Variants in HOMER2 observed in about 807,000 individuals in gnomAD.
HOMER2 encodes the protein homer scaffold protein 2, also known as homer protein homolog 2.
In HOMER2, 27 loss-of-function variants were observed where a neutral mutation model predicts 47.0. The ratio of observed to expected loss-of-function variants is 0.57; its 90% CI spans 0.42 to 0.79. HOMER2 has a LOEUF of 0.79. Ranked by LOEUF, HOMER2 falls within the 30% of genes least tolerant of loss-of-function variation. The probability of loss-of-function intolerance (pLI) is 0.00; values close to 1 mark genes in which losing one functional copy is unlikely to be tolerated. For missense variants in HOMER2, 443 were observed against 435.0 expected, an observed-to-expected ratio of 1.02 and a Z score of -0.16; for synonymous variants, 161 against 163.8, an observed-to-expected ratio of 0.98 and a Z score of 0.13.
intron 2 of HOMER2, among the ~76,000 whole-genome samples, chr15:82,890,665 A>G (rs532783160): frequency 3.9e-5 from 6 of 152,356 alleles, no homozygotes; most frequent in Middle Eastern, 3.4e-3. Flanking sequence ...ACGAATTACT[A>G]AAAGCTCAGC....
At chr15:82,859,908 C>T (rs534855560) in intron 4 of HOMER2, among the ~76,000 whole-genome samples, 54 of 151,602 alleles carry the variant, frequency 3.6e-4, no homozygotes, top group South Asian at 6.3e-4. Context: ...GACAAAAACC[C>T]GGGGGGTGGG....
At chr15:82,919,057 A>C (rs1274817279) in intron 1 of HOMER2, among the ~76,000 whole-genome samples, 1 of 152,206 alleles carries the variant, frequency 6.6e-6, no homozygotes, top group Non-Finnish European at 1.5e-5. Context: ...GGTGCAGAGC[A>C]GGGCCTGGGC....
intron 2 of HOMER2, among the ~76,000 whole-genome samples, chr15:82,890,321 G>A (rs1011031702): frequency 2.6e-5 from 4 of 152,172 alleles, no homozygotes; most frequent in South Asian, 2.1e-4. Context: ...CAGCCTAGGC[G>A]ACAAAGTGAG....
chr15:82,861,565 T>C (rs1246881575), intron 4 of HOMER2, among the ~76,000 whole-genome samples: 1 of 152,216 alleles, frequency 6.6e-6, no homozygotes, highest in Admixed American at 6.5e-5. Context: ...TAAACATGTA[T>C]TGCATTTATA....
At chr15:82,851,995 G>A (rs770454566) in intron 7 of HOMER2, 147 bp downstream of exon 7, 12 of 617,748 alleles carry the variant, frequency 1.9e-5, no homozygotes, top group Non-Finnish European at 2.9e-5. Context: ...CAGCCTGTCT[G>A]CACCTTGCTG....
At chr15:82,955,327 A>G (rs796336224), upstream of HOMER2, among the ~76,000 whole-genome samples, 3 of 151,808 alleles carry the variant, frequency 2.0e-5, no homozygotes, top group African/African-American at 7.2e-5. Context: ...ATGCCACCAC[A>G]CCTGGCTACT....
intron 2 of HOMER2, among the ~76,000 whole-genome samples, chr15:82,891,515 CCTTCCCTGGGAGAG>C (rs1189329756): frequency 6.6e-6 from 1 of 152,156 alleles, no homozygotes; most frequent in Non-Finnish European, 1.5e-5. Flanking sequence ...GGCTCTCGTG[CCTTCCCTGGGAGAG>C]CTTCCCTGGA....
At chr15:82,868,632 TC>T (rs1444137958) in intron 3 of HOMER2, among the ~76,000 whole-genome samples, 12 of 146,518 alleles carry the variant, frequency 8.2e-5, no homozygotes, top group African/African-American at 3.0e-4. Context: ...CACTGCAACG[TC>T]CACCTCCCAG....
intron 1 of HOMER2, among the ~76,000 whole-genome samples, chr15:82,901,715 CTT>C (rs993750480): frequency 6.6e-6 from 1 of 152,242 alleles, no homozygotes; most frequent in African/African-American, 2.4e-5. Context: ...GGACATCAGT[CTT>C]TAACTCGGGG....
At chr15:82,934,925 C>A (rs1008456743) in intron 1 of HOMER2, among the ~76,000 whole-genome samples, 1 of 152,222 alleles carries the variant, frequency 6.6e-6, no homozygotes, top group Non-Finnish European at 1.5e-5. Context: ...CTGCTGACGA[C>A]CCTGCCTCAT....
At chr15:82,893,521 C>T (rs1385036249) in intron 1 of HOMER2, among the ~76,000 whole-genome samples, 1 of 151,464 alleles carries the variant, frequency 6.6e-6, no homozygotes, top group Non-Finnish European at 1.5e-5. Flanking sequence ...ATAGTAGAGA[C>T]GGGGTTTCAC....
At chr15:82,970,464 C>T (rs2029945830) in intron 1 of HOMER2, among the ~76,000 whole-genome samples, 1 of 152,198 alleles carries the variant, frequency 6.6e-6, no homozygotes, top group Non-Finnish European at 1.5e-5. Flanking sequence ...AAATTGGACT[C>T]CACTGACTCA....
intron 1 of HOMER2, among the ~76,000 whole-genome samples, chr15:82,982,605 G>A (rs1355979596): frequency 6.6e-6 from 1 of 152,144 alleles, no homozygotes; most frequent in African/African-American, 2.4e-5. Flanking sequence ...TGAGTGTCAT[G>A]TTGGCACTCA....
chr15:82,852,130 A>G lies in HOMER2; in HGVS notation c.762+12T>C, dbSNP rs2051415269. On this transcript the variant is annotated intron_variant, in intron 7 of 8. Transcript: ENST00000450735. ...GACGCCAAGGGGCCCTGCTCGGAGC[A>G]CCATTACTCACTGTCTCCTTTTCTC... 1 of 1,597,260 alleles carries G rather than the reference A, an allele frequency of 6.3e-7. No individual in the cohort carries two copies. Among genetic ancestry groups the G allele is most frequent in the Non-Finnish European group, 8.6e-7 (1 of 1,165,018 alleles).
chr15:82,985,645 G>C (rs2030568097), intron 1 of HOMER2: 1 of 152,232 alleles, frequency 6.6e-6, no homozygotes, highest in Non-Finnish European at 1.5e-5. Context: ...GGGATATTAA[G>C]TGTTTATACA....
At chr15:82,894,772 T>A (rs574391429) in intron 1 of HOMER2, among the ~76,000 whole-genome samples, 3 of 149,852 alleles carry the variant, frequency 2.0e-5, no homozygotes, top group Non-Finnish European at 4.4e-5. Flanking sequence ...GACAATTTTT[T>A]AAATCTTTAC....
intron 1 of HOMER2, among the ~76,000 whole-genome samples, chr15:82,968,684 G>T (rs75027847): frequency 3.2e-4 from 49 of 152,318 alleles, no homozygotes; most frequent in African/African-American, 1.2e-3. Context: ...CAGGTGCATA[G>T]TATTCCATCA....
intron 1 of HOMER2, among the ~76,000 whole-genome samples, chr15:82,905,391 A>G (rs2053258516): frequency 6.6e-6 from 1 of 152,080 alleles, no homozygotes; most frequent in Non-Finnish European, 1.5e-5. Flanking sequence ...AAGAAAAATC[A>G]GAAGCAACAT....
In HOMER2 at chr15:82,974,455, C is replaced by A. The variant is rs937376335; in HGVS notation, n.82+11332G>T. On this transcript the variant is annotated intron_variant and non_coding_transcript_variant, in intron 1 of 1. Transcript: ENST00000500334. ...CTCCATAGAGCAAAGGTTCTCCACT[C>A]ACCTATGGGAGGGGCAGACTTCTAC... 7.9e-5 allele frequency among the ~76,000 whole-genome samples: 12 copies of A among 152,166 alleles called. No individual in the cohort carries two copies. In the South Asian group the frequency reaches 8.3e-4, roughly 11 times the overall value.
Sources: gnomAD v4.1 joint callset for allele counts (sites outside exome capture counted in the v4.1 genomes callset) on GRCh38, gnomAD v4.1.1 for gene constraint, MANE v1.5 for transcripts, NCBI Gene and HGNC (gene_info 2026-07-23, HGNC 2026-07-21) for gene names.